Variants in CHD2 observed in about 807,000 individuals in gnomAD.
CHD2 encodes the protein chromodomain helicase DNA binding protein 2.
In CHD2, 28 loss-of-function variants were observed where a neutral mutation model predicts 243.9. That is an observed-to-expected ratio of 0.11 (90% CI 0.09 to 0.16). The LOEUF (loss-of-function observed/expected upper bound fraction) is 0.16. CHD2 is among the 10% of genes least tolerant of loss of function. The pLI is 1.00. For missense variants in CHD2, 1,386 were observed against 2,209.8 expected, an observed-to-expected ratio of 0.63 and a Z score of 7.47; for synonymous variants, 775 against 779.0, an observed-to-expected ratio of 0.99 and a Z score of 0.09.
At position 92,938,242 on chromosome 15, in the gene CHD2, T is replaced by C. The variant is rs1443924111; in HGVS notation, c.551+617T>C. On this transcript the variant is annotated intron_variant, in intron 6 of 38. Coordinates refer to ENST00000394196, the MANE Select transcript of CHD2 (RefSeq NM_001271.4). ...TTTTTATAGATGAACATTTCTAATTTACAGTTTAAGGATAGAGAGCACTAA... is the reference window on the plus strand; with the variant it reads ...TTTTTATAGATGAACATTTCTAATTCACAGTTTAAGGATAGAGAGCACTAA... 2.0e-5 allele frequency among the ~76,000 whole-genome samples: 3 copies of C among 152,212 alleles called. No individual in the cohort carries two copies. In the East Asian group the frequency reaches 5.8e-4, roughly 29 times the overall value.
chr15:92,933,239 C>T (rs995832341), intron 5 of CHD2, among the ~76,000 whole-genome samples: 3 of 152,142 alleles, frequency 2.0e-5, no homozygotes, highest in Admixed American at 6.5e-5. Context: ...AGAAGTTATA[C>T]AGCACAATGG....
At chr15:92,993,093 C>T in intron 28 of CHD2, 95 bp downstream of exon 28, 5 of 1,275,332 alleles carry the variant, frequency 3.9e-6, no homozygotes, top group Non-Finnish European at 5.5e-6. Context: ...GCTTGAGGAC[C>T]ACACATGCCT....
rs554893977 is a variant in CHD2 at position 92,931,335 on chromosome 15, T to C, written c.443+2244T>C. On this transcript the variant is annotated intron_variant, in intron 5 of 38. Transcript: ENST00000394196. The stretch of plus-strand genomic sequence containing the variant: ...AGTGCAGTACAAAGGACACCTTATA[T>C]ACTTTACCCAGATTACCATTTTTCC... Among the ~76,000 whole-genome samples the C allele has an allele frequency of 5.3e-5, 8 of 152,338 alleles. No individual in the cohort carries two copies. The South Asian group carries it at 1.7e-3, about 32-fold the overall frequency.
chr15:92,994,977 CT>C (rs1290810522), intron 28 of CHD2, among the ~76,000 whole-genome samples: 6 of 152,054 alleles, frequency 3.9e-5, no homozygotes, highest in Admixed American at 6.5e-5. Flanking sequence ...TTATTGATAC[CT>C]TTTTTCCCTT....
intron 7 of CHD2, 21 bp downstream of exon 7, chr15:92,939,739 G>A (rs1273933130): frequency 1.9e-6 from 3 of 1,609,106 alleles, no homozygotes; most frequent in African/African-American, 2.7e-5. Flanking sequence ...CCCCAGAAGT[G>A]TTTCACTGGT....
intron 2 of CHD2, among the ~76,000 whole-genome samples, chr15:92,922,529 C>T (rs2141741393): frequency 1.3e-5 from 2 of 152,260 alleles, no homozygotes; most frequent in East Asian, 3.9e-4. Flanking sequence ...GTGTTATTTG[C>T]AGCAGTCCCA....
At chr15:92,995,386 C>G (rs139896463) in intron 28 of CHD2, among the ~76,000 whole-genome samples, 1 of 152,084 alleles carries the variant, frequency 6.6e-6, no homozygotes, top group Non-Finnish European at 1.5e-5. Context: ...ATCTTGTTTT[C>G]GTTTTTTGTT....
chr15:92,958,143 G>T (rs2053640577), intron 16 of CHD2, among the ~76,000 whole-genome samples: 1 of 152,182 alleles, frequency 6.6e-6, no homozygotes, highest in Non-Finnish European at 1.5e-5. Context: ...TTGCTGGATT[G>T]TTTGGAAAGT....
At chr15:92,986,579 A>G (rs922952579) in intron 26 of CHD2, among the ~76,000 whole-genome samples, 6 of 152,196 alleles carry the variant, frequency 3.9e-5, no homozygotes, top group African/African-American at 1.4e-4. Flanking sequence ...TTGTATGTAT[A>G]TATACACACC....
At chr15:93,012,741 C>T (rs1190338117) in intron 36 of CHD2, among the ~76,000 whole-genome samples, 1 of 152,102 alleles carries the variant, frequency 6.6e-6, no homozygotes. Flanking sequence ...ATAAATGTGG[C>T]TCCTAGGAAG....
chr15:92,939,883 T>C lies in CHD2; in HGVS notation c.692+165T>C, dbSNP rs188363142. Among the ~76,000 whole-genome samples, 36 of 152,336 alleles carry C rather than the reference T, an allele frequency of 2.4e-4. No homozygotes were observed. The East Asian group carries it at 6.8e-3, about 29-fold the overall frequency. ...GTTAGCTTTCTTGCAAAAAGAGTGGTATTGAGCCAAGGGGAATAGGAAAAG... is the reference window on the plus strand; with the variant it reads ...GTTAGCTTTCTTGCAAAAAGAGTGGCATTGAGCCAAGGGGAATAGGAAAAG... On this transcript the variant is annotated intron_variant, in intron 7 of 38. Coordinates refer to ENST00000394196, the MANE Select transcript of CHD2 (RefSeq NM_001271.4).
intron 2 of CHD2, among the ~76,000 whole-genome samples, chr15:92,914,359 T>A (rs1470742169): frequency 1.3e-5 from 2 of 152,252 alleles, no homozygotes; most frequent in Non-Finnish European, 2.9e-5. Context: ...AGATCCTGAT[T>A]AGGTAGGTAT....
chr15:92,924,428 C>G lies in CHD2; in HGVS notation c.170C>G (p.Ser57Cys). Residue 57 changes from serine to cysteine, a missense_variant, in exon 3 of 39, where the codon TCT (serine) becomes TGT (cysteine). Ser to Cys is a moderately radical substitution (Grantham distance 112). Around this residue, in one of 19 missense-constraint regions of CHD2, gnomAD observed 89 missense variants for 102.4 expected, o/e 0.87. Coordinates refer to ENST00000394196, the MANE Select transcript of CHD2 (RefSeq NM_001271.4). Reference protein sequence around the residue: ...SGHGSESNSSSESSESQSESE... With the variant: ...SGHGSESNSSCESSESQSESE... ...CATGGCAGCGAGTCGAACAGCAGCT[C>G]TGAATCTTCTGAGAGTCAGTCGGAA... The G allele has an allele frequency of 1.2e-6, 2 of 1,614,134 alleles. No individual in the cohort carries two copies. The highest frequency in any genetic ancestry group is 1.7e-6 in the Non-Finnish European group (2 of 1,180,030).
chr15:92,946,081 A>C lies in CHD2; in HGVS notation c.1242A>C (p.Leu414=). 1 of 1,610,518 alleles carries C rather than the reference A, an allele frequency of 6.2e-7. No individual in the cohort carries two copies. Among genetic ancestry groups the C allele is most frequent in the Non-Finnish European group, 8.5e-7 (1 of 1,177,880 alleles). ...KPAPSNEPEY[L]CKWMGLPYSE... is the part of the protein sequence containing the mutation. ...CACCCTCAAATGAGCCCGAATATCT[A>C]TGTAAATGGATGGGACTCCCCTATT... The change falls in exon 12 of 39, where the codon CTA becomes CTC. Residue 414 remains leucine (L), a synonymous_variant. Transcript: ENST00000394196.
At chr15:93,019,732 G>C (rs2054508140) in intron 37 of CHD2, among the ~76,000 whole-genome samples, 1 of 152,138 alleles carries the variant, frequency 6.6e-6, no homozygotes. Context: ...TCAGGAGTTT[G>C]AGACCAGCCT....
At chr15:92,902,301 G>T in intron 2 of CHD2, 1 of 396,672 alleles carries the variant, frequency 2.5e-6, no homozygotes, top group Non-Finnish European at 4.4e-6. Flanking sequence ...TGTTTTTGTT[G>T]TATGACCTCT....
intron 2 of CHD2, among the ~76,000 whole-genome samples, chr15:92,910,375 GTGACC>G (rs1224233582): frequency 6.6e-6 from 1 of 152,046 alleles, no homozygotes; most frequent in Non-Finnish European, 1.5e-5. Flanking sequence ...AGGCCTGTGG[GTGACC>G]TTAGGTCCTG....
At chr15:92,964,879 T>C (rs2053736526) in intron 16 of CHD2, among the ~76,000 whole-genome samples, 1 of 152,198 alleles carries the variant, frequency 6.6e-6, no homozygotes, top group African/African-American at 2.4e-5. Context: ...CATCTTTTAG[T>C]GTTGGGATGA....
chr15:92,950,068 A>G (rs767341916), intron 13 of CHD2, among the ~76,000 whole-genome samples: 1 of 152,202 alleles, frequency 6.6e-6, no homozygotes, highest in East Asian at 1.9e-4. Flanking sequence ...ACATTTCCAA[A>G]TAAGGAAGGG....
Sources: allele counts gnomAD v4.1 joint callset (sites outside exome capture counted in the v4.1 genomes callset), GRCh38; gene constraint gnomAD v4.1.1; regional missense constraint gnomAD v4.1.1; transcripts MANE v1.5; gene names NCBI Gene and HGNC (gene_info 2026-07-23, HGNC 2026-07-21).